Variants in MYO5A observed in about 807,000 individuals in gnomAD.
MYO5A encodes unconventional myosin-Va.
In MYO5A, 98 loss-of-function variants were observed where a neutral mutation model predicts 249.7. The observed-to-expected ratio is 0.39, with a 90% CI of 0.33 to 0.46. MYO5A has a LOEUF of 0.46. MYO5A is among the 20% of genes least tolerant of loss of function. MYO5A has a pLI of 0.98. For synonymous variants in MYO5A, 778 were observed against 810.6 expected, an observed-to-expected ratio of 0.96 and a Z score of 0.68; for missense variants, 1,696 against 2,308.8, an observed-to-expected ratio of 0.73 and a Z score of 5.44.
At chr15:52,363,514 T>C (rs2040645721) in intron 24 of MYO5A, among the ~76,000 whole-genome samples, 1 of 152,236 alleles carries the variant, frequency 6.6e-6, no homozygotes, top group South Asian at 2.1e-4. Context: ...TGAGAGCCTA[T>C]CTTTTGTATT....
intron 1 of MYO5A, among the ~76,000 whole-genome samples, chr15:52,500,453 T>C (rs916122807): frequency 1.3e-5 from 2 of 151,926 alleles, no homozygotes; most frequent in Non-Finnish European, 2.9e-5. Context: ...TTCAAGTGAT[T>C]CTCCTGCCTC....
At chr15:52,461,033 C>G (rs1285491104) in intron 1 of MYO5A, among the ~76,000 whole-genome samples, 1 of 149,406 alleles carries the variant, frequency 6.7e-6, no homozygotes. Flanking sequence ...CTCACTGCAG[C>G]CTCAACCTTC....
intron 25 of MYO5A, among the ~76,000 whole-genome samples, chr15:52,359,147 G>A (rs2040395831): frequency 6.6e-6 from 1 of 152,160 alleles, no homozygotes; most frequent in Non-Finnish European, 1.5e-5. Context: ...GAATGAGATG[G>A]CAGAAACTTC....
intron 12 of MYO5A, among the ~76,000 whole-genome samples, chr15:52,391,518 TC>T (rs1269419675): frequency 6.6e-6 from 1 of 152,236 alleles, no homozygotes; most frequent in Non-Finnish European, 1.5e-5. Flanking sequence ...TACAACTCCA[TC>T]CCTCTCAAAT....
intron 31 of MYO5A, among the ~76,000 whole-genome samples, chr15:52,340,886 T>G (rs1194011674): frequency 6.6e-6 from 1 of 150,764 alleles, no homozygotes; most frequent in African/African-American, 2.5e-5. Context: ...AGGCAAAGGT[T>G]GCAGTGAGCT....
intron 1 of MYO5A, among the ~76,000 whole-genome samples, chr15:52,465,532 C>A (rs1446048259): frequency 3.9e-5 from 6 of 152,092 alleles, no homozygotes; most frequent in Non-Finnish European, 7.4e-5. Context: ...GAACTTTTGC[C>A]TGTAGTCCCA....
At chr15:52,380,734 T>C (rs1328814148) in intron 16 of MYO5A, among the ~76,000 whole-genome samples, 1 of 152,162 alleles carries the variant, frequency 6.6e-6, no homozygotes. Context: ...GCCATTGCAT[T>C]CCAGCCTGGG....
At chr15:52,453,627 A>C (rs1447328469) in intron 1 of MYO5A, among the ~76,000 whole-genome samples, 5 of 152,218 alleles carry the variant, frequency 3.3e-5, no homozygotes, top group Non-Finnish European at 5.9e-5. Context: ...AAAAAGAAAT[A>C]GCAGCAGGAA....
chr15:52,316,158 T>A (rs1295312990), intron 40 of MYO5A, among the ~76,000 whole-genome samples: 1 of 130,776 alleles, frequency 7.6e-6, no homozygotes, highest in Non-Finnish European at 1.5e-5. Context: ...GGCGTGAACC[T>A]GGGAGGGGGA....
chr15:52,368,937 C>T (rs1244093892), intron 22 of MYO5A, among the ~76,000 whole-genome samples: 1 of 152,180 alleles, frequency 6.6e-6, no homozygotes, highest in Non-Finnish European at 1.5e-5. Context: ...TGGAAAGCTT[C>T]CGTGGTTTGG....
chr15:52,369,287 C>T (rs1217020692), intron 22 of MYO5A, among the ~76,000 whole-genome samples: 2 of 152,154 alleles, frequency 1.3e-5, no homozygotes, highest in African/African-American at 4.8e-5. Context: ...AGGATTCTTG[C>T]CAGCAGTTAC....
chr15:52,377,548 A>G (rs1186326073), intron 18 of MYO5A, among the ~76,000 whole-genome samples: 3 of 151,608 alleles, frequency 2.0e-5, no homozygotes, highest in Non-Finnish European at 1.5e-5. Flanking sequence ...ATTTATATGT[A>G]AGAATCATTA....
In MYO5A at chr15:52,309,986, A is replaced by C. The variant is rs1309875791; in HGVS notation, c.*3710T>G. 6.6e-6 allele frequency: 1 copy of C among 152,182 alleles called. No homozygotes were observed. The highest frequency in any genetic ancestry group is 1.5e-5 in the Non-Finnish European group (1 of 68,022). The allele number at this position is 152,182 out of a possible 1,614,324, so 9.4% of individuals were successfully genotyped here. A position where few individuals can be genotyped will look rare whatever the true frequency, so the allele number is the denominator to read the frequency against. ...ACAATCACTGCACTGAAATTATAAT[A>C]ATATAGTATTTTCATAGCCTCCCCT... On this transcript the variant is annotated 3_prime_UTR_variant, in exon 42 of 42. Transcript: ENST00000399233.
At chr15:52,393,023 G>T (rs2042319054) in intron 11 of MYO5A, among the ~76,000 whole-genome samples, 1 of 152,126 alleles carries the variant, frequency 6.6e-6, no homozygotes, top group Non-Finnish European at 1.5e-5. Context: ...GGTGGGAAGG[G>T]CAATCCAATC....
chr15:52,323,522 A>G (rs2038432983), intron 36 of MYO5A, 78 bp from the exon 37 acceptor site: 1 of 999,270 alleles, frequency 1.0e-6, no homozygotes. Context: ...AGATACCAAA[A>G]GACCCATTTC....
chr15:52,361,134 C>T (rs892161889), intron 24 of MYO5A, among the ~76,000 whole-genome samples: 2 of 152,178 alleles, frequency 1.3e-5, no homozygotes, highest in African/African-American at 4.8e-5. Flanking sequence ...GATCCAAGAA[C>T]ACCAGCACCT....
intron 1 of MYO5A, chr15:52,505,203 C>A: frequency 1.3e-6 from 1 of 769,808 alleles, no homozygotes; most frequent in African/African-American, 1.7e-5. Context: ...GTTTTGGAGA[C>A]CTGAAAAGCC....
intron 1 of MYO5A, among the ~76,000 whole-genome samples, chr15:52,526,564 T>C (rs1487040860): frequency 6.6e-6 from 1 of 152,170 alleles, no homozygotes; most frequent in East Asian, 1.9e-4. Flanking sequence ...TTTTGCCATG[T>C]TGGTCAAGAT....
At chr15:52,505,622 A>C in intron 1 of MYO5A, 1 of 1,360,750 alleles carries the variant, frequency 7.3e-7, no homozygotes, top group Non-Finnish European at 1.1e-6. Context: ...ATCTTATTAG[A>C]TGTGAAATCT....
Sources: gnomAD v4.1 joint callset for allele counts (sites outside exome capture counted in the v4.1 genomes callset) on GRCh38, gnomAD v4.1.1 for gene constraint, MANE v1.5 for transcripts, NCBI Gene and HGNC (gene_info 2026-07-23, HGNC 2026-07-21) for gene names.